ITIH5: variants seen among roughly 807,000 people sequenced by gnomAD.
ITIH5 encodes the protein inter-alpha-trypsin inhibitor heavy chain H5.
In ITIH5, 65 loss-of-function variants were observed where a neutral mutation model predicts 77.5. That is an observed-to-expected ratio of 0.84 (90% CI 0.69 to 1.03). The LOEUF (loss-of-function observed/expected upper bound fraction) is 1.03, where lower values mean the gene tolerates loss of function less well. Among genes scored for constraint, ITIH5 ranks in the 50% least tolerant of loss-of-function variants. The probability of loss-of-function intolerance (pLI) is 0.00; values close to 1 mark genes in which losing one functional copy is unlikely to be tolerated. For missense variants in ITIH5, 1,208 were observed against 1,213.1 expected, an observed-to-expected ratio of 1.00 and a Z score of 0.06; for synonymous variants, 525 against 494.3, an observed-to-expected ratio of 1.06 and a Z score of -0.82.
intron 2 of ITIH5, among the ~76,000 whole-genome samples, chr10:7,644,752 CATATATCACATATATATCAT>C (rs1833968850): frequency 1.7e-5 from 2 of 121,108 alleles, no homozygotes; most frequent in African/African-American, 3.8e-5. Context: ...ATATATATCA[CATATATCACATATATATCAT>C]ATATATCACA....
At chr10:7,564,724 C>T (rs1832104612) in intron 13 of ITIH5, among the ~76,000 whole-genome samples, 1 of 151,406 alleles carries the variant, frequency 6.6e-6, no homozygotes, top group South Asian at 2.1e-4. Context: ...CTGTGTGTGT[C>T]GGTGGGTGTG....
At chr10:7,642,141 G>T (rs1264843231) in intron 2 of ITIH5, 51 bp from the exon 3 acceptor site, 2 of 1,437,826 alleles carry the variant, frequency 1.4e-6, no homozygotes, top group Non-Finnish European at 1.9e-6. Flanking sequence ...AAAGCATTTT[G>T]GTGGTAGTGG....
intron 4 of ITIH5, among the ~76,000 whole-genome samples, chr10:7,640,148 C>A (rs140797476): frequency 7.0e-3 from 559 of 79,984 alleles, no homozygotes; most frequent in Middle Eastern, 8.8e-3. Flanking sequence ...GGGGTAACTA[C>A]AAAAAAAAAA....
intron 7 of ITIH5, among the ~76,000 whole-genome samples, chr10:7,593,358 C>T (rs1832832818): frequency 1.4e-5 from 2 of 141,824 alleles, no homozygotes; most frequent in East Asian, 2.2e-4. Context: ...AGCCACCCAG[C>T]CCCACTCACC....
At chr10:7,648,285 A>G (rs972144638) in intron 2 of ITIH5, among the ~76,000 whole-genome samples, 50 of 151,908 alleles carry the variant, frequency 3.3e-4, no homozygotes, top group African/African-American at 1.2e-3. Flanking sequence ...GGCTAATTCA[A>G]GCCTTTTCGC....
chr10:7,568,759 T>C (rs1349116537), intron 12 of ITIH5, among the ~76,000 whole-genome samples: 1 of 152,166 alleles, frequency 6.6e-6, no homozygotes, highest in African/African-American at 2.4e-5. Context: ...CTTGAAAAGC[T>C]TTCTCTGTGC....
At position 7,580,118 on chromosome 10, in the gene ITIH5, T is replaced by G. The variant is rs1186787975; in HGVS notation, c.1109-54A>C. ...AGCCTCTGCACTCACCTCCGCACTC[T>G]GATTGCACTTTCTTTTTTTTGAGAC... On this transcript the variant is annotated intron_variant, in intron 8 of 13. Coordinates refer to ENST00000397146, the MANE Select transcript of ITIH5 (RefSeq NM_030569.7). The G allele has an allele frequency of 2.8e-6, 4 of 1,412,244 alleles. No homozygotes were observed. The African/African-American group carries it at 5.7e-5, about 20-fold the overall frequency. The allele number at this position is 1,412,244 out of a possible 1,614,324, so 87.5% of individuals were successfully genotyped here. A position where few individuals can be genotyped will look rare whatever the true frequency, so the allele number is the denominator to read the frequency against.
chr10:7,582,092 G>T (rs1350244572), intron 8 of ITIH5, among the ~76,000 whole-genome samples: 1 of 151,830 alleles, frequency 6.6e-6, no homozygotes, highest in East Asian at 1.9e-4. Flanking sequence ...GGCCAGGCTG[G>T]TCTTGATTTC....
intron 8 of ITIH5, among the ~76,000 whole-genome samples, chr10:7,583,788 G>A (rs1832616810): frequency 6.6e-6 from 1 of 152,162 alleles, no homozygotes; most frequent in Non-Finnish European, 1.5e-5. Context: ...CAGAGGGACG[G>A]ATTAGCTTTC....
At chr10:7,565,962 T>C in intron 13 of ITIH5, 68 bp downstream of exon 13, 1 of 1,543,998 alleles carries the variant, frequency 6.5e-7, no homozygotes, top group Non-Finnish European at 8.7e-7. Context: ...GTGTTGGCAA[T>C]ATCAGCTTTG....
chr10:7,565,833 A>G (rs1304637227), intron 13 of ITIH5, among the ~76,000 whole-genome samples, 197 bp downstream of exon 13: 3 of 150,034 alleles, frequency 2.0e-5, no homozygotes, highest in Non-Finnish European at 4.4e-5. Flanking sequence ...ATAATACATT[A>G]TGTATATGTA....
At chr10:7,578,394 G>A (rs1832468321) in intron 9 of ITIH5, 2 of 167,364 alleles carry the variant, frequency 1.2e-5, no homozygotes, top group African/African-American at 4.8e-5. Context: ...CATAGTTTCA[G>A]TGGGATGGCA....
At chr10:7,568,147 T>A (rs1383970447) in intron 12 of ITIH5, among the ~76,000 whole-genome samples, 1 of 152,154 alleles carries the variant, frequency 6.6e-6, no homozygotes, top group Non-Finnish European at 1.5e-5. Context: ...TGGGGCTGAA[T>A]TAGGTGATGC....
intron 5 of ITIH5, among the ~76,000 whole-genome samples, chr10:7,624,369 T>C (rs932412298): frequency 1.3e-5 from 2 of 150,692 alleles, no homozygotes; most frequent in African/African-American, 4.9e-5. Flanking sequence ...TAGCGGGACA[T>C]GGTGGCGCAT....
At chr10:7,592,588 C>T (rs1019423915) in intron 7 of ITIH5, among the ~76,000 whole-genome samples, 2 of 152,116 alleles carry the variant, frequency 1.3e-5, no homozygotes, top group Admixed American at 6.5e-5. Context: ...TGAGACACAG[C>T]CCAGCCCTTG....
chr10:7,608,587 T>C (rs1194056169), intron 7 of ITIH5, among the ~76,000 whole-genome samples: 1 of 152,132 alleles, frequency 6.6e-6, no homozygotes, highest in Non-Finnish European at 1.5e-5. Context: ...CTGGCCTGGA[T>C]CCTCTCTTTT....
At position 7,628,777 on chromosome 10, in the gene ITIH5, GTGTCCATGT is replaced by G. The variant is rs1833637790; in HGVS notation, c.652+8442_652+8450del. Among the ~76,000 whole-genome samples the G allele has an allele frequency of 7.1e-5, 10 of 140,284 alleles. 2 individuals are homozygous for G. Among genetic ancestry groups the G allele is most frequent in the Non-Finnish European group, 1.6e-4 (10 of 61,576 alleles). The allele number at this position is 140,284 out of a possible 152,430, so 92.0% of individuals were successfully genotyped here. On this transcript the variant is annotated intron_variant, in intron 5 of 13. Transcript: ENST00000397146. ...GCAGCGTGTGTCCATGTTGTAGCGT[GTGTCCATGT>G]TATCATATGTATCTGTGTTTTTGCA...
chr10:7,565,081 TATAC>T (rs1564230763), intron 13 of ITIH5, among the ~76,000 whole-genome samples: 4 of 146,398 alleles, frequency 2.7e-5, no homozygotes, highest in Non-Finnish European at 6.0e-5. Flanking sequence ...TATATATATA[TATAC>T]ACACACACAC....
In ITIH5 at chr10:7,610,510, C is replaced by T. The variant is rs992465953; in HGVS notation, c.939+5472G>A. Among the ~76,000 whole-genome samples the T allele has an allele frequency of 4.5e-4, 69 of 152,204 alleles. 1 individual carries two copies. Among genetic ancestry groups the T allele is most frequent in the Admixed American group, 3.7e-3 (57 of 15,288 alleles). On this transcript the variant is annotated intron_variant, in intron 7 of 13. Coordinates refer to ENST00000397146, the MANE Select transcript of ITIH5 (RefSeq NM_030569.7). ...CAAGGTCTTTCAGGCCCGTCAAAGA[C>T]GAGGGGAGCCAAGAACATTGGGAAT... is the stretch of plus-strand genomic sequence containing the variant.
Sources: gnomAD v4.1 joint callset for allele counts (sites outside exome capture counted in the v4.1 genomes callset) on GRCh38, gnomAD v4.1.1 for gene constraint, MANE v1.5 for transcripts, NCBI Gene and HGNC (gene_info 2026-07-23, HGNC 2026-07-21) for gene names.